Variants in ZNF469 observed in about 807,000 individuals in gnomAD.
ZNF469 encodes zinc finger protein 469.
ZNF469 carries 1 observed loss-of-function variant against 1.0 expected under a neutral mutation model. The ratio of observed to expected loss-of-function variants is 1.00; its 90% CI spans 0.35 to 4.73. The LOEUF is 4.73. Among genes scored for constraint, ZNF469 ranks in the 30% most tolerant of loss-of-function variants. The pLI, the probability that ZNF469 is intolerant of heterozygous loss-of-function variation, is 0.16. For synonymous variants in ZNF469, 2,703 were observed against 2,363.4 expected (o/e 1.14, Z -4.17); for missense variants, 6,100 against 5,356.3 (o/e 1.14, Z -4.33).
chr16:88,325,251 A>G, the ZNF469 span, among the ~76,000 whole-genome samples: 16 of 151,758 alleles, frequency 1.1e-4, no homozygotes, highest in East Asian at 3.1e-3. Flanking sequence ...TCACCGGCAC[A>G]CTCCAGGTGG....
intron 1 of ZNF469, among the ~76,000 whole-genome samples, chr16:88,393,823 G>C (rs113393463): frequency 6.6e-6 from 1 of 152,228 alleles, no homozygotes; most frequent in Non-Finnish European, 1.5e-5. Context: ...CAAGTGGGGC[G>C]GACGCTGCCC....
the ZNF469 span, among the ~76,000 whole-genome samples, chr16:88,269,699 C>T: frequency 1.3e-5 from 2 of 152,070 alleles, no homozygotes; most frequent in Non-Finnish European, 2.9e-5. Context: ...ATCCTGCTCT[C>T]GGGAACTGCT....
At chr16:88,364,934 C>T in the ZNF469 span, among the ~76,000 whole-genome samples, 1 of 152,170 alleles carries the variant, frequency 6.6e-6, no homozygotes, top group African/African-American at 2.4e-5. Context: ...CACTGCACTC[C>T]AGCCTGGGCA....
rs146789160 is a variant in ZNF469, at chr16:88,435,145, A to G, written c.7675A>G (p.Lys2559Glu). ...CCAGCCACCGCCTGCCCAGGGCTCA[A>G]AGGAGGTTCTCAGAGCACCGGGGTC... ...VTQPPPAQGS[K>E]EVLRAPGSPH... Residue 2559 changes from lysine to glutamate, a missense_variant, in exon 3 of 3, where the codon AAG becomes GAG. Lys to Glu is a moderately conservative substitution (Grantham distance 56). Coordinates refer to ENST00000565624, the MANE Select transcript of ZNF469 (RefSeq NM_001367624.2). 9,628 of 1,550,324 alleles carry G rather than the reference A, an allele frequency of 6.2e-3. 45 individuals carry two copies. Among genetic ancestry groups the G allele is most frequent in the Non-Finnish European group, 7.6e-3 (8,720 of 1,146,964 alleles).
Position 88,428,672 on chromosome 16 carries a change from T to C in ZNF469, c.1202T>C (p.Leu401Pro), listed in dbSNP as rs1436264337. 4 of 1,549,872 alleles carry C rather than the reference T, an allele frequency of 2.6e-6. No individual in the cohort carries two copies. Among genetic ancestry groups the C allele is most frequent in the Non-Finnish European group, 3.5e-6 (4 of 1,146,800 alleles). Residue 401 changes from leucine (L) to proline (P), a missense_variant, in exon 3 of 3, where the codon CTA becomes CCA. Leu to Pro is a moderately conservative substitution (Grantham distance 98). Transcript: ENST00000565624. ...LGSTRGPPSS[L>P]PQRHFPGQAY... ...AGCACGAGAGGGCCCCCTAGCTCCC[T>C]ACCCCAGAGGCACTTTCCAGGGCAG...
rs1311338498 is a variant in ZNF469, at chr16:88,424,682, C to G, written c.-191-125C>G. Among the ~76,000 whole-genome samples the G allele has an allele frequency of 6.6e-6, 1 of 152,098 alleles. No individual in the cohort carries two copies. The highest frequency in any genetic ancestry group is 2.4e-5 in the African/African-American group (1 of 41,410). On this transcript the variant is annotated intron_variant, in intron 1 of 2. Coordinates refer to ENST00000565624, the MANE Select transcript of ZNF469 (RefSeq NM_001367624.2). The surrounding 1 kb of genome is among the most constrained non-coding windows in gnomAD (Gnocchi z 4.3). ...CTCCCGGTGGCTCTTGGTGGCTTCC[C>G]GGTGCCCTGAGGCCACAGCCGGCTC...
the ZNF469 span, among the ~76,000 whole-genome samples, chr16:88,307,861 T>C: frequency 6.6e-6 from 1 of 152,248 alleles, no homozygotes; most frequent in East Asian, 1.9e-4. Context: ...CCAGTTTATC[T>C]ACTTTTTGTC....
chr16:88,114,175 C>T, the ZNF469 span, among the ~76,000 whole-genome samples: 22 of 150,730 alleles, frequency 1.5e-4, no homozygotes, highest in Admixed American at 1.1e-3. Flanking sequence ...GCGGGGGTCT[C>T]GGGGGAGAAT....
chr16:88,119,880 G>A, the ZNF469 span, among the ~76,000 whole-genome samples: 1 of 152,216 alleles, frequency 6.6e-6, no homozygotes, highest in Non-Finnish European at 1.5e-5. Flanking sequence ...CCCACTGCTT[G>A]GGACAGGATG....
At chr16:88,149,731 C>G in the ZNF469 span, among the ~76,000 whole-genome samples, 2 of 152,180 alleles carry the variant, frequency 1.3e-5, no homozygotes, top group Admixed American at 1.3e-4. Flanking sequence ...TGGGCCTCAG[C>G]TCCTGGCTGC....
the ZNF469 span, among the ~76,000 whole-genome samples, chr16:88,135,669 G>A: frequency 6.6e-6 from 1 of 151,694 alleles, no homozygotes; most frequent in Non-Finnish European, 1.5e-5. Flanking sequence ...CGGTTCCTCA[G>A]CAACAGCGGC....
chr16:88,151,408 T>C, the ZNF469 span, among the ~76,000 whole-genome samples: 3 of 152,108 alleles, frequency 2.0e-5, no homozygotes, highest in African/African-American at 7.2e-5. This position sits in a 1 kb window ranked among gnomAD's most constrained non-coding sequence, Gnocchi z 5.4. Flanking sequence ...AGAGAATGAG[T>C]GTTTCCCGAT....
At chr16:88,328,983 C>T in the ZNF469 span, among the ~76,000 whole-genome samples, 1 of 152,176 alleles carries the variant, frequency 6.6e-6, no homozygotes, top group African/African-American at 2.4e-5. Flanking sequence ...CACGGGGTCC[C>T]GACGTTCACC....
chr16:88,128,603 C>G, the ZNF469 span, among the ~76,000 whole-genome samples: 2 of 152,180 alleles, frequency 1.3e-5, no homozygotes, highest in African/African-American at 4.8e-5. Context: ...ACAGCTCAGA[C>G]AAGAGACCCC....
the ZNF469 span, among the ~76,000 whole-genome samples, chr16:88,324,149 G>C: frequency 0.51 from 76,994 of 152,120 alleles, 19,784 homozygotes; most frequent in African/African-American, 0.56. Context: ...CACGGGGCCT[G>C]TTCGGGGCTA....
chr16:88,228,403 A>C, the ZNF469 span, among the ~76,000 whole-genome samples: 1 of 152,224 alleles, frequency 6.6e-6, no homozygotes, highest in Non-Finnish European at 1.5e-5. Context: ...TTACAATGGC[A>C]CCTGCCCCGC....
chr16:88,317,035 A>C, the ZNF469 span, among the ~76,000 whole-genome samples: 1 of 152,154 alleles, frequency 6.6e-6, no homozygotes, highest in African/African-American at 2.4e-5. Context: ...CCACCCAGAT[A>C]ATAAACTGTA....
chr16:88,437,113 C>G lies in ZNF469; in HGVS notation c.9643C>G (p.Pro3215Ala). The stretch of plus-strand genomic sequence containing the variant: ...GGCGCGGAGGTCCTTGGGGGACCTG[C>G]CCGGAGGCCTGGAGGGCAGCAGCGC... ...GQARRSLGDL[P>A]GGLEGSSAVA... is the part of the protein sequence containing the mutation. Residue 3215 changes from proline to alanine, a missense_variant, in exon 3 of 3, where the codon CCC becomes GCC. Transcript: ENST00000565624. 1 of 1,547,658 alleles carries G rather than the reference C, an allele frequency of 6.5e-7. No individual in the cohort carries two copies. The highest frequency in any genetic ancestry group is 1.7e-4 in the Middle Eastern group (1 of 5,986).
intron 1 of ZNF469, among the ~76,000 whole-genome samples, chr16:88,395,202 T>TGTGGATGGATGGGTGGATGGATGG (rs1345487744): frequency 6.7e-6 from 1 of 149,508 alleles, no homozygotes; most frequent in Non-Finnish European, 1.5e-5. Flanking sequence ...TAGGTGGGTA[T>TGTGGATGGATGGGTGGATGGATGG]GTGGATGGAT....
Sources: gnomAD v4.1 joint callset for allele counts (sites outside exome capture counted in the v4.1 genomes callset) on GRCh38, gnomAD v4.1.1 for gene constraint, Gnocchi (gnomAD v3.1) non-coding constraint, MANE v1.5 for transcripts, NCBI Gene and HGNC (gene_info 2026-07-23, HGNC 2026-07-21) for gene names.